CDC42BPB: variants seen among roughly 807,000 people sequenced by gnomAD.
CDC42BPB encodes serine/threonine-protein kinase MRCK beta.
CDC42BPB carries 37 observed loss-of-function variants against 214.9 expected under a neutral mutation model. The observed-to-expected ratio is 0.17, with a 90% confidence interval of 0.13 to 0.23. CDC42BPB has a LOEUF of 0.23. Among genes scored for constraint, CDC42BPB ranks in the 10% least tolerant of loss-of-function variants. CDC42BPB has a pLI of 1.00. For missense variants in CDC42BPB, 1,694 were observed against 2,227.0 expected (o/e 0.76, Z 4.82); for synonymous variants, 931 against 884.0 (o/e 1.05, Z -0.94).
rs532478863 is a variant in CDC42BPB at position 103,041,278 on chromosome 14, A to G, written c.175+15721T>C. On this transcript the variant is annotated intron_variant, in intron 1 of 36. Transcript: ENST00000361246. The stretch of plus-strand genomic sequence containing the variant: ...TCGTATCATAGCAAAAATTAATTCA[A>G]AATTGATCAAAGAACTAAACGTAAA... 3.3e-5 allele frequency among the ~76,000 whole-genome samples: 5 copies of G among 152,382 alleles called. No homozygotes were observed. The South Asian group carries it at 1.0e-3, about 32-fold the overall frequency.
chr14:102,956,495 T>A, intron 21 of CDC42BPB: 2 of 838,390 alleles, frequency 2.4e-6, no homozygotes, highest in Non-Finnish European at 2.9e-6. Context: ...TGATGGAGGG[T>A]TTTTTCTGTT....
intron 19 of CDC42BPB, 90 bp downstream of exon 19, chr14:102,964,412 C>A: frequency 6.7e-7 from 1 of 1,484,686 alleles, no homozygotes; most frequent in South Asian, 1.2e-5. Flanking sequence ...ATTTTCCAGG[C>A]GAGGAGCATC....
rs545636872 is a variant in CDC42BPB, at chr14:103,040,738, G to C, written c.175+16261C>G. On this transcript the variant is annotated intron_variant, in intron 1 of 36. Transcript: ENST00000361246. ...CTCCCAAAGTGTTGGGATTACAGGC[G>C]TGAGCCACCATAGCCATTCTTTATT... is the stretch of plus-strand genomic sequence containing the variant. 2.6e-5 allele frequency among the ~76,000 whole-genome samples: 4 copies of C among 152,262 alleles called. No homozygotes were observed. In the South Asian group the frequency reaches 8.3e-4, roughly 32 times the overall value.
chr14:103,049,438 ATTTT>A (rs1566927632), intron 1 of CDC42BPB, among the ~76,000 whole-genome samples: 1 of 152,222 alleles, frequency 6.6e-6, no homozygotes, highest in Non-Finnish European at 1.5e-5. Context: ...AATCAACCTG[ATTTT>A]ATTTAAGTCA....
At chr14:102,985,103 G>A (rs1894178260) in intron 6 of CDC42BPB, among the ~76,000 whole-genome samples, 1 of 151,894 alleles carries the variant, frequency 6.6e-6, no homozygotes. Context: ...TGGAGGTGAG[G>A]AGGGTAACCC....
At chr14:102,975,196 C>G (rs544687882) in intron 11 of CDC42BPB, among the ~76,000 whole-genome samples, 28 of 152,190 alleles carry the variant, frequency 1.8e-4, no homozygotes, top group Non-Finnish European at 2.5e-4. Context: ...GGAACTGATT[C>G]TAGCTGGTGA....
chr14:103,022,625 G>A (rs2139676845), intron 1 of CDC42BPB, among the ~76,000 whole-genome samples: 1 of 152,284 alleles, frequency 6.6e-6, no homozygotes, highest in Middle Eastern at 3.4e-3. Flanking sequence ...TTCCCCACGG[G>A]TGCTCACATC....
intron 25 of CDC42BPB, 26 bp downstream of exon 25, chr14:102,950,440 C>A: frequency 6.2e-7 from 1 of 1,611,488 alleles, no homozygotes. Flanking sequence ...GCACCGAGGG[C>A]TGAGGGCGGA....
chr14:102,946,793 T>G, intron 27 of CDC42BPB, 109 bp from the exon 28 acceptor site: 1 of 1,484,910 alleles, frequency 6.7e-7, no homozygotes, highest in Non-Finnish European at 8.9e-7. Context: ...CGGGGGCTGA[T>G]GTGCTTCCCA....
chr14:102,949,887 C>G lies in CDC42BPB; in HGVS notation c.3327G>C (p.Gly1109=), dbSNP rs1269895498. Residue 1109 remains glycine (G), a synonymous_variant, in exon 26 of 37, where the codon GGG becomes GGC. Coordinates refer to ENST00000361246, the MANE Select transcript of CDC42BPB (RefSeq NM_006035.4). Reference sequence around the variant, plus strand: ...ATGCGCGCTGCCATCCCTTCTTCACCCCCGTGGGCTTTGGGACCTATGAAT... The same window carrying G: ...ATGCGCGCTGCCATCCCTTCTTCACGCCCGTGGGCTTTGGGACCTATGAAT... ...KGHVKVPKPT[G]VKKGWQRAYA... is the part of the protein sequence containing the mutation. 13 of 1,613,550 alleles carry G rather than the reference C, an allele frequency of 8.1e-6. No individual in the cohort carries two copies. The highest frequency in any genetic ancestry group is 5.1e-6 in the Non-Finnish European group (6 of 1,179,984).
chr14:103,052,389 T>C (rs1477407878), intron 1 of CDC42BPB, among the ~76,000 whole-genome samples: 1 of 152,240 alleles, frequency 6.6e-6, no homozygotes, highest in Non-Finnish European at 1.5e-5. Context: ...GAGAAATCAT[T>C]AAGATAAAAA....
At chr14:102,979,245 G>A (rs889443004) in intron 8 of CDC42BPB, among the ~76,000 whole-genome samples, 2 of 146,664 alleles carry the variant, frequency 1.4e-5, no homozygotes, top group Admixed American at 6.9e-5. Flanking sequence ...ATGGACTCTC[G>A]CTCTGTCACC....
chr14:102,981,128 T>C, intron 7 of CDC42BPB, 107 bp from the exon 8 acceptor site: 1 of 1,535,130 alleles, frequency 6.5e-7, no homozygotes, highest in Non-Finnish European at 8.7e-7. Context: ...TCAAAGCAGG[T>C]CACTTCATGG....
intron 1 of CDC42BPB, among the ~76,000 whole-genome samples, chr14:103,029,759 T>G (rs1198427378): frequency 7.0e-6 from 1 of 143,668 alleles, no homozygotes; most frequent in Non-Finnish European, 1.5e-5. Context: ...CTTCGGAGGC[T>G]GACGCAGGAG....
chr14:103,012,223 T>C (rs181096411), intron 1 of CDC42BPB, 35 bp from the exon 2 acceptor site: 136 of 1,567,238 alleles, frequency 8.7e-5, no homozygotes, highest in East Asian at 2.7e-4. Context: ...CAATTTAGTC[T>C]AATCAGTTCA....
chr14:102,939,630 C>T lies in CDC42BPB; in HGVS notation c.4807G>A (p.Val1603Met). Reference sequence around the variant, plus strand: ...CGCACCAGAGGCAGGTCCATGAGCACCTGCATGCCGTCGCCTGGGCCCATG... The same window carrying T: ...CGCACCAGAGGCAGGTCCATGAGCATCTGCATGCCGTCGCCTGGGCCCATG... The part of the protein sequence containing the change: ...AHMGPGDGMQ[V>M]LMDLPLSAVP... Residue 1603 changes from valine (V) to methionine (M), a missense_variant, in exon 34 of 37, where the codon GTG (valine) becomes ATG (methionine). Transcript: ENST00000361246. 1.9e-6 allele frequency: 3 copies of T among 1,613,964 alleles called. No homozygotes were observed.
chr14:102,978,762 T>A (rs1395671546), intron 8 of CDC42BPB, among the ~76,000 whole-genome samples: 1 of 152,156 alleles, frequency 6.6e-6, no homozygotes, highest in African/African-American at 2.4e-5. Flanking sequence ...TCCCAGCAAT[T>A]TGGGAGGCTG....
chr14:103,052,209 A>G (rs1888646060), intron 1 of CDC42BPB, among the ~76,000 whole-genome samples: 2 of 152,316 alleles, frequency 1.3e-5, no homozygotes, highest in South Asian at 4.1e-4. Context: ...ATGCTATTAT[A>G]GTCAGTATCA....
intron 4 of CDC42BPB, among the ~76,000 whole-genome samples, chr14:103,003,008 G>C (rs1895060713): frequency 6.6e-6 from 1 of 152,126 alleles, no homozygotes; most frequent in African/African-American, 2.4e-5. Flanking sequence ...TGAACCAATG[G>C]AGCGCACAAC....
Sources: allele counts gnomAD v4.1 joint callset (sites outside exome capture counted in the v4.1 genomes callset), GRCh38; gene constraint gnomAD v4.1.1; transcripts MANE v1.5; gene names NCBI Gene and HGNC (gene_info 2026-07-23, HGNC 2026-07-21).